SENP6: variants seen among roughly 807,000 people sequenced by gnomAD.
The protein encoded by SENP6 is sentrin-specific protease 6.
SENP6 carries 41 observed loss-of-function variants against 134.5 expected under a neutral mutation model. The ratio of observed to expected loss-of-function variants is 0.30; its 90% CI spans 0.24 to 0.40. The LOEUF (loss-of-function observed/expected upper bound fraction) is 0.40, where lower values mean the gene tolerates loss of function less well. Ranked by LOEUF, SENP6 falls within the 10% of genes least tolerant of loss-of-function variation. The probability of loss-of-function intolerance (pLI) is 1.00; values close to 1 mark genes in which losing one functional copy is unlikely to be tolerated. For missense variants in SENP6, 1,248 were observed against 1,312.5 expected (o/e 0.95, Z 0.76); for synonymous variants, 395 against 429.8 (o/e 0.92, Z 1.00).
At chr6:75,637,425 A>G (rs1008651325) in intron 5 of SENP6, among the ~76,000 whole-genome samples, 13 of 152,162 alleles carry the variant, frequency 8.5e-5, no homozygotes, top group Non-Finnish European at 1.9e-4. Flanking sequence ...TAAGATTCCA[A>G]TCTATTTTCT....
At chr6:75,663,821 T>TG (rs34474209) in intron 9 of SENP6, among the ~76,000 whole-genome samples, 9,965 of 116,936 alleles carry the variant, frequency 0.085, 955 homozygotes, top group African/African-American at 0.22. Context: ...TTTTTTTTTG[T>TG]GGGGGGGGGG....
intron 18 of SENP6, among the ~76,000 whole-genome samples, chr6:75,698,144 C>T (rs1454517669): frequency 1.3e-5 from 2 of 152,190 alleles, no homozygotes; most frequent in Non-Finnish European, 2.9e-5. Context: ...GGGTTTATCA[C>T]TTGCATCAAG....
chr6:75,623,645 T>C (rs1768443203), intron 2 of SENP6, among the ~76,000 whole-genome samples: 2 of 152,210 alleles, frequency 1.3e-5, no homozygotes, highest in African/African-American at 4.8e-5. Flanking sequence ...ATCCATGGGC[T>C]AATCTTGCGT....
intron 23 of SENP6, among the ~76,000 whole-genome samples, chr6:75,715,174 C>A (rs1368437862): frequency 1.3e-5 from 2 of 152,114 alleles, no homozygotes; most frequent in Non-Finnish European, 2.9e-5. Flanking sequence ...GGTCCACTGG[C>A]AAACCCTGAT....
intron 3 of SENP6, among the ~76,000 whole-genome samples, chr6:75,626,704 A>G (rs545361817): frequency 6.6e-6 from 1 of 152,290 alleles, no homozygotes; most frequent in Non-Finnish European, 1.5e-5. Flanking sequence ...TAGTTTTGCT[A>G]GATACTGCCA....
chr6:75,659,283 A>T lies in SENP6; in HGVS notation c.572A>T (p.Glu191Val). The T allele has an allele frequency of 6.2e-7, 1 of 1,611,564 alleles. No individual in the cohort carries two copies. The highest frequency in any genetic ancestry group is 8.5e-7 in the Non-Finnish European group (1 of 1,178,870). ...QGVERIMKKT[E>V]ESESQVEPEI... ...TTAGAACGTATAATGAAGAAAACAGAAGAGTCCGAATCACAAGTGGAGCCT... is the reference window on the plus strand; with the variant it reads ...TTAGAACGTATAATGAAGAAAACAGTAGAGTCCGAATCACAAGTGGAGCCT... Residue 191 changes from glutamate (E) to valine (V), a missense_variant, in exon 8 of 24, where the codon GAA becomes GTA. This residue lies in a region of SENP6 where 733 missense variants were observed against 725.4 expected (regional missense o/e 1.01). Transcript: ENST00000447266.
intron 16 of SENP6, among the ~76,000 whole-genome samples, chr6:75,693,002 C>T (rs1210865640): frequency 6.6e-6 from 1 of 152,128 alleles, no homozygotes; most frequent in Non-Finnish European, 1.5e-5. Flanking sequence ...GCCCAGGAGG[C>T]GGAGGCTGCA....
chr6:75,602,872 T>G (rs545299583), intron 1 of SENP6, among the ~76,000 whole-genome samples: 2 of 152,106 alleles, frequency 1.3e-5, no homozygotes, highest in Non-Finnish European at 2.9e-5. Context: ...ATTTAAAAAA[T>G]TTTGGGGTGG....
chr6:75,657,961 G>A lies in SENP6; in HGVS notation c.551-1301G>A, dbSNP rs139546156. Among the ~76,000 whole-genome samples, 225 of 152,138 alleles carry A rather than the reference G, an allele frequency of 1.5e-3. 1 individual carries two copies. Among genetic ancestry groups the A allele is most frequent in the African/African-American group, 5.2e-3 (217 of 41,524 alleles). ...CAGGAACTTCTGCTTGCCAAAAGAT[G>A]GAATTTAATTAGAGTATTAGAATGA... On this transcript the variant is annotated intron_variant, in intron 7 of 23. Transcript: ENST00000447266.
rs545768064 is a variant in SENP6 at position 75,717,508 on chromosome 6, T to C, written c.*1914T>C. On this transcript the variant is annotated 3_prime_UTR_variant, in exon 24 of 24. Transcript: ENST00000447266. ...AGAGGTAGAATACTCAGCTATTTGA[T>C]GGCATTTTTCCCACCCCATGTGAAA... 6.6e-6 allele frequency: 1 copy of C among 152,262 alleles called. No individual in the cohort carries two copies. The highest frequency in any genetic ancestry group is 2.1e-4 in the South Asian group (1 of 4,830). The allele number at this position is 152,262 out of a possible 1,614,324, so 9.4% of individuals were successfully genotyped here.
rs949414533 is a variant in SENP6, at chr6:75,708,169, C to T, written c.2717-1358C>T. ...CTGTTGCCTGGGTTCAAGCAATTCT[C>T]CTGTCTCTCAGCCTCTCAAGTAGCT... On this transcript the variant is annotated intron_variant, in intron 19 of 23. Transcript: ENST00000447266. 3.9e-5 allele frequency among the ~76,000 whole-genome samples: 6 copies of T among 152,158 alleles called. No individual in the cohort carries two copies. The East Asian group carries it at 5.8e-4, about 15-fold the overall frequency.
At chr6:75,682,026 G>T (rs771875539) in intron 16 of SENP6, among the ~76,000 whole-genome samples, 6 of 152,062 alleles carry the variant, frequency 3.9e-5, no homozygotes, top group Non-Finnish European at 8.8e-5. Context: ...TCAAAGTAAT[G>T]ATATTAAATA....
chr6:75,679,029 C>A, intron 16 of SENP6, 102 bp downstream of exon 16: 1 of 634,988 alleles, frequency 1.6e-6, no homozygotes, highest in Non-Finnish European at 2.8e-6. Flanking sequence ...TAAATTCCAT[C>A]TCTGCCACTT....
chr6:75,683,000 A>G (rs370743086), intron 16 of SENP6, among the ~76,000 whole-genome samples: 3 of 152,154 alleles, frequency 2.0e-5, no homozygotes, highest in Admixed American at 6.5e-5. Context: ...CACAATGGTT[A>G]AACTAATTTA....
intron 16 of SENP6, chr6:75,679,562 T>C (rs1038883649): frequency 2.6e-5 from 4 of 152,270 alleles, no homozygotes; most frequent in African/African-American, 9.7e-5. Flanking sequence ...CATGGTACAG[T>C]CCTAGCAGAT....
chr6:75,642,332 G>C (rs1018287221), intron 6 of SENP6, among the ~76,000 whole-genome samples: 4 of 152,200 alleles, frequency 2.6e-5, no homozygotes, highest in African/African-American at 9.6e-5. Flanking sequence ...GAAGTGTAAT[G>C]GGTTGATGTG....
intron 1 of SENP6, chr6:75,611,973 A>G (rs1767483049): frequency 6.6e-6 from 1 of 152,240 alleles, no homozygotes; most frequent in African/African-American, 2.4e-5. Context: ...ACATCCAGAA[A>G]TATAGTATTT....
intron 16 of SENP6, among the ~76,000 whole-genome samples, chr6:75,683,456 C>T (rs1029626610): frequency 6.6e-6 from 1 of 152,152 alleles, no homozygotes; most frequent in African/African-American, 2.4e-5. Flanking sequence ...GTGTTTTAGT[C>T]ATGAAGTCCT....
At chr6:75,636,170 C>T (rs186792233) in intron 5 of SENP6, among the ~76,000 whole-genome samples, 1 of 152,052 alleles carries the variant, frequency 6.6e-6, no homozygotes, top group Non-Finnish European at 1.5e-5. Flanking sequence ...AGATTCAGTT[C>T]ATATGAACTA....
Sources: allele counts gnomAD v4.1 joint callset (sites outside exome capture counted in the v4.1 genomes callset), GRCh38; gene constraint gnomAD v4.1.1; regional missense constraint gnomAD v4.1.1; transcripts MANE v1.5; gene names NCBI Gene and HGNC (gene_info 2026-07-23, HGNC 2026-07-21).